CSNK2A2IP: variants seen among roughly 807,000 people sequenced by gnomAD.
The protein encoded by CSNK2A2IP is casein kinase II subunit alpha'-interacting protein.
the CSNK2A2IP span, among the ~76,000 whole-genome samples, chr3:88,406,136 G>T: frequency 6.6e-6 from 1 of 151,952 alleles, no homozygotes. Flanking sequence ...TCAAATAGAA[G>T]AAAATAAACC....
At chr3:88,351,039 C>T in the CSNK2A2IP span, among the ~76,000 whole-genome samples, 1 of 152,114 alleles carries the variant, frequency 6.6e-6, no homozygotes, top group African/African-American at 2.4e-5. Flanking sequence ...TCTGGATTCT[C>T]ATCTGAGGAC....
chr3:88,447,855 T>A, the CSNK2A2IP span, among the ~76,000 whole-genome samples: 1 of 152,134 alleles, frequency 6.6e-6, no homozygotes, highest in Non-Finnish European at 1.5e-5. Context: ...AACAAAAATA[T>A]ACAGTTTTAT....
the CSNK2A2IP span, among the ~76,000 whole-genome samples, chr3:88,395,239 A>T: frequency 4.6e-5 from 7 of 152,150 alleles, no homozygotes; most frequent in African/African-American, 1.7e-4. Context: ...GTGTTTCCTA[A>T]GACATCTTTG....
At chr3:88,364,020 T>A in the CSNK2A2IP span, among the ~76,000 whole-genome samples, 98 of 152,284 alleles carry the variant, frequency 6.4e-4, no homozygotes, top group African/African-American at 2.2e-3. Context: ...TGCAATACTC[T>A]CTTCTTTGAT....
chr3:88,343,163 G>A, the CSNK2A2IP span: 1 of 152,050 alleles, frequency 6.6e-6, no homozygotes, highest in Non-Finnish European at 1.5e-5. Flanking sequence ...AATGGCCCAA[G>A]GAGAAGAGTA....
chr3:88,445,331 TC>T, the CSNK2A2IP span, among the ~76,000 whole-genome samples: 1 of 139,630 alleles, frequency 7.2e-6, no homozygotes, highest in East Asian at 2.2e-4. Context: ...GCACCTGTAG[TC>T]CCAGCTACTT....
the CSNK2A2IP span, among the ~76,000 whole-genome samples, chr3:88,340,949 G>A: frequency 6.6e-6 from 1 of 151,754 alleles, no homozygotes; most frequent in Non-Finnish European, 1.5e-5. Context: ...TTGTGTTCCA[G>A]GCCTGAACAA....
chr3:88,410,870 T>G, the CSNK2A2IP span, among the ~76,000 whole-genome samples: 159 of 152,126 alleles, frequency 1.0e-3, no homozygotes, highest in African/African-American at 1.2e-3. Context: ...GTTATATATA[T>G]AGAGAGCGGA....
the CSNK2A2IP span, among the ~76,000 whole-genome samples, chr3:88,443,784 A>G: frequency 2.6e-5 from 4 of 152,322 alleles, no homozygotes; most frequent in Non-Finnish European, 5.9e-5. Context: ...ATTAATGCAC[A>G]TAGCAAGGAC....
the CSNK2A2IP span, chr3:88,466,977 C>A: frequency 1.6e-6 from 2 of 1,230,558 alleles, no homozygotes; most frequent in Non-Finnish European, 2.0e-6. Flanking sequence ...TGAAAGAAAA[C>A]CAGCCTAATG....
the CSNK2A2IP span, among the ~76,000 whole-genome samples, chr3:88,375,329 G>A: frequency 6.6e-6 from 1 of 151,874 alleles, no homozygotes; most frequent in South Asian, 2.1e-4. Flanking sequence ...CGGAAGATTT[G>A]TTCTCTTCTA....
At chr3:88,459,945 C>A in the CSNK2A2IP span, among the ~76,000 whole-genome samples, 89 of 151,914 alleles carry the variant, frequency 5.9e-4, no homozygotes, top group African/African-American at 2.0e-3. Context: ...GGAATTTCTG[C>A]GAATGAACTA....
At chr3:88,455,843 G>T in the CSNK2A2IP span, among the ~76,000 whole-genome samples, 1 of 151,690 alleles carries the variant, frequency 6.6e-6, no homozygotes, top group Non-Finnish European at 1.5e-5. Context: ...GTACATTTAA[G>T]TCTTTAATCC....
chr3:88,340,843 G>A, the CSNK2A2IP span, among the ~76,000 whole-genome samples: 1 of 151,792 alleles, frequency 6.6e-6, no homozygotes, highest in Admixed American at 6.6e-5. Context: ...ATTTATATGA[G>A]CCTTTGTCTT....
At chr3:88,339,742 A>T in the CSNK2A2IP span, among the ~76,000 whole-genome samples, 1 of 152,118 alleles carries the variant, frequency 6.6e-6, no homozygotes, top group Non-Finnish European at 1.5e-5. Context: ...AGATTTAATA[A>T]GTACTCTTTG....
the CSNK2A2IP span, among the ~76,000 whole-genome samples, chr3:88,350,152 C>T: frequency 1.3e-5 from 2 of 152,198 alleles, no homozygotes; most frequent in South Asian, 4.1e-4. Context: ...TGTATGTTTA[C>T]CCTCTCCCCA....
At chr3:88,449,414 C>T in the CSNK2A2IP span, among the ~76,000 whole-genome samples, 6 of 152,062 alleles carry the variant, frequency 3.9e-5, no homozygotes, top group African/African-American at 1.4e-4. Flanking sequence ...ATTTACAAGA[C>T]CAGTTGTTGT....
At chr3:88,435,108 T>G in the CSNK2A2IP span, among the ~76,000 whole-genome samples, 1 of 152,198 alleles carries the variant, frequency 6.6e-6, no homozygotes, top group Non-Finnish European at 1.5e-5. Context: ...AAGCAGGTTC[T>G]GTTGTTTGCC....
the CSNK2A2IP span, among the ~76,000 whole-genome samples, chr3:88,381,889 A>C: frequency 6.6e-6 from 1 of 152,180 alleles, no homozygotes; most frequent in Non-Finnish European, 1.5e-5. Context: ...CAAGTTATAG[A>C]CATTAAATAT....
Sources: allele counts gnomAD v4.1 joint callset (sites outside exome capture counted in the v4.1 genomes callset), GRCh38; gene constraint gnomAD v4.1.1; transcripts MANE v1.5; gene names NCBI Gene and HGNC (gene_info 2026-07-23, HGNC 2026-07-21).